The following GCC2 variants were observed in gnomAD, a reference collection of about 807,000 sequenced individuals.
GCC2 encodes GRIP and coiled-coil domain containing 2, also known as GRIP and coiled-coil domain-containing protein 2.
In GCC2, 120 loss-of-function variants were observed where a neutral mutation model predicts 210.6. That is an observed-to-expected ratio of 0.57 (90% CI 0.49 to 0.66). The LOEUF is 0.66. Among genes scored for constraint, GCC2 ranks in the 30% least tolerant of loss-of-function variants. The pLI, the probability that GCC2 is intolerant of heterozygous loss-of-function variation, is 0.00. For missense variants in GCC2, 1,868 were observed against 1,871.9 expected (o/e 1.00, Z 0.04); for synonymous variants, 703 against 652.7 (o/e 1.08, Z -1.17).
chr2:108,476,597 G>A lies in GCC2; in HGVS notation c.3060+747G>A, dbSNP rs1681537741. ...AGATAAGAATTAAAAATTAAAGTAT[G>A]TTTACCTTAGTAACATGAAAATGTA... On this transcript the variant is annotated intron_variant, in intron 9 of 22. Transcript: ENST00000309863. Among the ~76,000 whole-genome samples the A allele has an allele frequency of 2.0e-5, 3 of 151,976 alleles. No homozygotes were observed. The South Asian group carries it at 6.2e-4, about 32-fold the overall frequency.
At chr2:108,462,686 G>C (rs1342755403) in intron 4 of GCC2, 1 of 147,468 alleles carries the variant, frequency 6.8e-6, no homozygotes, top group African/African-American at 2.5e-5. Flanking sequence ...CCTCAAGCTC[G>C]TGAGTAGCTG....
intron 3 of GCC2, among the ~76,000 whole-genome samples, chr2:108,451,839 C>G (rs1679960990): frequency 2.2e-5 from 3 of 137,746 alleles, no homozygotes; most frequent in Admixed American, 1.6e-4. Flanking sequence ...CTCTCTCTCT[C>G]TCTTTTTTTT....
chr2:108,497,242 G>A lies in GCC2; in HGVS notation c.4782+133G>A, dbSNP rs1340805613. On this transcript the variant is annotated intron_variant, in intron 21 of 22. Transcript: ENST00000309863. ...CGCCATTCTCCTGCCTCAGCCTCCC[G>A]AGTAGCTGGGACTACAGGTGCCCGC... 323 of 1,421,408 alleles carry A rather than the reference G, an allele frequency of 2.3e-4. No homozygotes were observed. Among genetic ancestry groups the A allele is most frequent in the Admixed American group, 7.7e-4 (44 of 57,404 alleles). 88.0% of individuals were successfully genotyped at this position (1,421,408 alleles called of 1,614,324 possible). A position where few individuals can be genotyped will look rare whatever the true frequency, so the allele number is the denominator to read the frequency against.
At position 108,470,905 on chromosome 2, in the gene GCC2, G is replaced by A; in HGVS notation, c.1576G>A (p.Ala526Thr). Residue 526 changes from alanine to threonine, a missense_variant, in exon 6 of 23, where the codon GCT (alanine) becomes ACT (threonine). By Grantham distance (58) the Ala-to-Thr change is moderately conservative. Coordinates refer to ENST00000309863, the MANE Select transcript of GCC2 (RefSeq NM_181453.4). ...TGAACTGCAGCAGAAGCTCAGAACT[G>A]CTTTTACTGAAAAAGATGCCCTTCT... Reference protein sequence around the residue: ...VHELQQKLRTAFTEKDALLET... With the variant: ...VHELQQKLRTTFTEKDALLET... The A allele has an allele frequency of 6.2e-7, 1 of 1,613,652 alleles. No individual in the cohort carries two copies. Among genetic ancestry groups the A allele is most frequent in the Non-Finnish European group, 8.5e-7 (1 of 1,179,744 alleles).
chr2:108,458,605 T>C (rs758516842), intron 4 of GCC2, among the ~76,000 whole-genome samples: 2 of 152,012 alleles, frequency 1.3e-5, no homozygotes, highest in African/African-American at 2.4e-5. Context: ...TTGCTACTCA[T>C]TATTAATTTG....
At chr2:108,469,198 CAAAG>C (rs71980528) in intron 5 of GCC2, 114 bp downstream of exon 5, 209,329 of 517,098 alleles carry the variant, frequency 0.4, 47,910 homozygotes, top group East Asian at 0.83. Flanking sequence ...ATAATATAAA[CAAAG>C]AAACCGAGAT....
At chr2:108,501,159 C>G (rs1371132015) in intron 22 of GCC2, among the ~76,000 whole-genome samples, 1 of 151,806 alleles carries the variant, frequency 6.6e-6, no homozygotes, top group African/African-American at 2.4e-5. Context: ...GCTAATTTTT[C>G]TATTTTTAGT....
chr2:108,489,733 C>T, intron 17 of GCC2, 105 bp from the exon 18 acceptor site: 1 of 631,930 alleles, frequency 1.6e-6, no homozygotes, highest in South Asian at 2.4e-5. Flanking sequence ...TTAGAATCAT[C>T]CAAGAGTATG....
chr2:108,468,930 T>A (rs1454773904), intron 4 of GCC2, 50 bp from the exon 5 acceptor site: 2 of 1,180,238 alleles, frequency 1.7e-6, no homozygotes, highest in African/African-American at 3.0e-5. Context: ...ACGCATGTGG[T>A]CAATCCACCA....
At chr2:108,489,806 A>G (rs1436338257) in intron 17 of GCC2, 32 bp from the exon 18 acceptor site, 1 of 1,517,834 alleles carries the variant, frequency 6.6e-7, no homozygotes, top group African/African-American at 1.4e-5. Flanking sequence ...ACCTTTTTCA[A>G]AAAATTTTAA....
At chr2:108,499,951 T>C (rs1682835867) in intron 22 of GCC2, among the ~76,000 whole-genome samples, 197 bp downstream of exon 22, 1 of 152,250 alleles carries the variant, frequency 6.6e-6, no homozygotes, top group African/African-American at 2.4e-5. Context: ...TATATAATTT[T>C]AACGTTCAGC....
At chr2:108,487,572 C>A in intron 16 of GCC2, 127 bp from the exon 17 acceptor site, 3 of 898,818 alleles carry the variant, frequency 3.3e-6, no homozygotes, top group Non-Finnish European at 3.4e-6. Context: ...ATCAAGAAAC[C>A]AAAAAGAATG....
At chr2:108,459,908 A>G (rs554310870) in intron 4 of GCC2, among the ~76,000 whole-genome samples, 103 of 152,006 alleles carry the variant, frequency 6.8e-4, no homozygotes, top group Non-Finnish European at 1.1e-3. Context: ...GCTGGAGTGC[A>G]GTGGCGCAAT....
Position 108,470,366 on chromosome 2 carries a change from C to T in GCC2, c.1037C>T (p.Ser346Phe). The T allele has an allele frequency of 2.5e-6, 4 of 1,605,148 alleles. No individual in the cohort carries two copies. The highest frequency in any genetic ancestry group is 3.4e-6 in the Non-Finnish European group (4 of 1,174,722). Residue 346 changes from serine to phenylalanine, a missense_variant, in exon 6 of 23, where the codon TCT becomes TTT. By Grantham distance (155) the Ser-to-Phe change is radical. This residue lies in a region of GCC2 where 1,847 missense variants were observed against 1,765.2 expected (regional missense o/e 1.05). Transcript: ENST00000309863. ...HLEDTLKELE[S>F]QHSILKDEVT... ...GAAGATACCTTAAAAGAACTTGAAT[C>T]TCAACACAGTATCTTAAAAGATGAG...
intron 19 of GCC2, chr2:108,494,887 A>C (rs1682567903): frequency 6.4e-6 from 1 of 155,182 alleles, no homozygotes; most frequent in South Asian, 2.0e-4. Context: ...ATCTTGGCTC[A>C]CTGCAACCTC....
intron 6 of GCC2, among the ~76,000 whole-genome samples, 188 bp from the exon 7 acceptor site, chr2:108,472,639 C>T (rs975517365): frequency 6.6e-6 from 1 of 150,978 alleles, no homozygotes; most frequent in Non-Finnish European, 1.5e-5. Context: ...ATGCCATATG[C>T]ATAGTAAGGT....
At chr2:108,451,820 G>A (rs1042511667) in intron 3 of GCC2, among the ~76,000 whole-genome samples, 11 of 146,464 alleles carry the variant, frequency 7.5e-5, no homozygotes, top group African/African-American at 2.6e-4. Context: ...TTAGATTAAC[G>A]TTTCTTTTCT....
In GCC2 at chr2:108,471,505, C is replaced by A; in HGVS notation, c.2176C>A (p.Gln726Lys). 1 of 1,606,214 alleles carries A rather than the reference C, an allele frequency of 6.2e-7. No homozygotes were observed. Among genetic ancestry groups the A allele is most frequent in the South Asian group, 1.1e-5 (1 of 88,880 alleles). The change falls in exon 6 of 23, where the codon CAA becomes AAA. Residue 726 changes from glutamine (Q) to lysine (K), a missense_variant. Coordinates refer to ENST00000309863, the MANE Select transcript of GCC2 (RefSeq NM_181453.4). ...TGTTATCCTTAAAGAACATATTACT[C>A]AATTAGAAAAGAAACTTCAGTTAAT... ...EDVILKEHIT[Q>K]LEKKLQLMVE...
intron 4 of GCC2, among the ~76,000 whole-genome samples, chr2:108,468,148 ACCT>A (rs1681000589): frequency 6.7e-6 from 1 of 150,222 alleles, no homozygotes; most frequent in South Asian, 2.1e-4. Context: ...TGCAACCCCC[ACCT>A]CCTGGGTTCA....
Sources: allele counts gnomAD v4.1 joint callset (sites outside exome capture counted in the v4.1 genomes callset), GRCh38; gene constraint gnomAD v4.1.1; regional missense constraint gnomAD v4.1.1; transcripts MANE v1.5; gene names NCBI Gene and HGNC (gene_info 2026-07-23, HGNC 2026-07-21).